Variants in USP32 observed in about 807,000 individuals in gnomAD.
USP32 encodes the protein ubiquitin carboxyl-terminal hydrolase 32.
A neutral mutation model predicts 204.8 loss-of-function variants in USP32; 59 were observed. The observed-to-expected ratio is 0.29, with a 90% CI of 0.23 to 0.36. The LOEUF (loss-of-function observed/expected upper bound fraction) is 0.36, where lower values mean the gene tolerates loss of function less well. USP32 is among the 10% of genes least tolerant of loss of function. The pLI is 1.00. For synonymous variants in USP32, 517 were observed against 678.4 expected, an observed-to-expected ratio of 0.76 and a Z score of 3.70; for missense variants, 1,160 against 1,946.4, an observed-to-expected ratio of 0.60 and a Z score of 7.60.
chr17:60,348,079 G>A (rs1049160618), intron 1 of USP32, among the ~76,000 whole-genome samples: 4 of 150,936 alleles, frequency 2.7e-5, no homozygotes, highest in South Asian at 2.1e-4. Flanking sequence ...CCAAGATAGC[G>A]CCACTGCACT....
intron 3 of USP32, among the ~76,000 whole-genome samples, chr17:60,296,657 TA>T (rs1439029582): frequency 1.3e-5 from 2 of 152,142 alleles, no homozygotes; most frequent in African/African-American, 4.8e-5. Flanking sequence ...AATCACATTT[TA>T]AAAAATGAAG....
intron 1 of USP32, among the ~76,000 whole-genome samples, chr17:60,390,367 AGCCATT>A (rs936271064): frequency 4.6e-5 from 7 of 152,212 alleles, no homozygotes; most frequent in African/African-American, 1.4e-4. Flanking sequence ...ATGCCATGTA[AGCCATT>A]GCCTAATTGA....
At chr17:60,239,393 A>C (rs1219798241) in intron 11 of USP32, among the ~76,000 whole-genome samples, 1 of 152,202 alleles carries the variant, frequency 6.6e-6, no homozygotes, top group Non-Finnish European at 1.5e-5. Flanking sequence ...GTTTAGGACA[A>C]TTATTTCTTC....
intron 29 of USP32, among the ~76,000 whole-genome samples, chr17:60,188,491 T>A (rs1262140104): frequency 6.6e-6 from 1 of 152,222 alleles, no homozygotes; most frequent in African/African-American, 2.4e-5. Flanking sequence ...TCTTGTTTTT[T>A]AAAAAATGTT....
intron 27 of USP32, 130 bp from the exon 28 acceptor site, chr17:60,193,060 A>C: frequency 2.2e-6 from 2 of 891,456 alleles, no homozygotes; most frequent in East Asian, 2.7e-5. Context: ...TTGACAGCTC[A>C]ATGTTACTTA....
At chr17:60,236,388 A>G in intron 11 of USP32, 148 bp from the exon 12 acceptor site, 1 of 560,624 alleles carries the variant, frequency 1.8e-6, no homozygotes. Context: ...TAGTAAAACA[A>G]CACTGTTTCT....
At chr17:60,317,371 C>T (rs966977118) in intron 2 of USP32, among the ~76,000 whole-genome samples, 1 of 149,438 alleles carries the variant, frequency 6.7e-6, no homozygotes, top group African/African-American at 2.5e-5. Flanking sequence ...TAAAAATAAG[C>T]CAGGCATGGT....
intron 1 of USP32, among the ~76,000 whole-genome samples, chr17:60,354,975 T>C (rs1019384508): frequency 2.6e-5 from 4 of 151,812 alleles, no homozygotes; most frequent in African/African-American, 7.3e-5. Context: ...ACCCAGGAGG[T>C]GGAAGTTGCA....
At chr17:60,379,270 C>T (rs1440009379) in intron 1 of USP32, among the ~76,000 whole-genome samples, 4 of 152,020 alleles carry the variant, frequency 2.6e-5, no homozygotes, top group Non-Finnish European at 5.9e-5. Flanking sequence ...TAAATTGAGG[C>T]AAATAGTTTT....
chr17:60,263,767 T>C (rs1316457233), intron 9 of USP32, among the ~76,000 whole-genome samples: 2 of 152,238 alleles, frequency 1.3e-5, no homozygotes, highest in African/African-American at 2.4e-5. Flanking sequence ...GGGGACTGAA[T>C]TGTCAAAGCT....
chr17:60,291,297 TGG>T (rs894518050), intron 4 of USP32, among the ~76,000 whole-genome samples: 62 of 152,330 alleles, frequency 4.1e-4, no homozygotes, highest in African/African-American at 1.5e-3. Context: ...TTCTGAGTCA[TGG>T]ATCTCTTCTA....
intron 9 of USP32, among the ~76,000 whole-genome samples, chr17:60,261,319 C>G (rs1210709592): frequency 6.6e-6 from 1 of 152,008 alleles, no homozygotes; most frequent in Non-Finnish European, 1.5e-5. Context: ...ATCTAAAATG[C>G]TACTAATAAA....
chr17:60,336,549 AC>A (rs1035343389), intron 2 of USP32, among the ~76,000 whole-genome samples: 1 of 140,720 alleles, frequency 7.1e-6, no homozygotes, highest in African/African-American at 3.1e-5. Flanking sequence ...CCCCGTCTCT[AC>A]TAAAAATACA....
intron 5 of USP32, among the ~76,000 whole-genome samples, chr17:60,280,047 A>T (rs2145820466): frequency 6.6e-6 from 1 of 152,108 alleles, no homozygotes; most frequent in South Asian, 2.1e-4. Flanking sequence ...AGAAAAATGT[A>T]ATTACCATGA....
chr17:60,323,020 G>A (rs2088149644), intron 2 of USP32, among the ~76,000 whole-genome samples: 1 of 152,120 alleles, frequency 6.6e-6, no homozygotes, highest in African/African-American at 2.4e-5. Context: ...AGGATATAGG[G>A]AAATTGGAAC....
In USP32 at chr17:60,302,376, G is replaced by C. The variant is rs939440004; in HGVS notation, c.187-672C>G. Reference sequence around the variant, plus strand: ...TGGCCAGGCTGGTCTCGAACTCCTGGCCTCAAATGATCTGCCCACCTTGGC... The same window carrying C: ...TGGCCAGGCTGGTCTCGAACTCCTGCCCTCAAATGATCTGCCCACCTTGGC... On this transcript the variant is annotated intron_variant, in intron 2 of 33. Coordinates refer to ENST00000300896, the MANE Select transcript of USP32 (RefSeq NM_032582.4). 2.6e-5 allele frequency among the ~76,000 whole-genome samples: 4 copies of C among 152,192 alleles called. No individual in the cohort carries two copies. The East Asian group carries it at 7.7e-4, about 29-fold the overall frequency.
chr17:60,394,996 G>A (rs1034006829), upstream of USP32, among the ~76,000 whole-genome samples: 4 of 152,076 alleles, frequency 2.6e-5, no homozygotes, highest in Non-Finnish European at 5.9e-5. Context: ...CACCAACCTC[G>A]GCCTCCCAAA....
At chr17:60,310,160 T>C (rs868810471) in intron 2 of USP32, among the ~76,000 whole-genome samples, 1 of 152,254 alleles carries the variant, frequency 6.6e-6, no homozygotes, top group Middle Eastern at 3.4e-3. Flanking sequence ...AGTACAGCCA[T>C]TGTGTAAATT....
intron 12 of USP32, among the ~76,000 whole-genome samples, chr17:60,235,533 A>G (rs2085700359): frequency 6.6e-6 from 1 of 152,246 alleles, no homozygotes; most frequent in South Asian, 2.1e-4. Flanking sequence ...AATAGGAATC[A>G]AATGATTAGA....
Sources: gnomAD v4.1 joint callset for allele counts (sites outside exome capture counted in the v4.1 genomes callset) on GRCh38, gnomAD v4.1.1 for gene constraint, MANE v1.5 for transcripts, NCBI Gene and HGNC (gene_info 2026-07-23, HGNC 2026-07-21) for gene names.